Variants in SLC4A5 observed in about 807,000 individuals in gnomAD.
SLC4A5 encodes solute carrier family 4 member 5, also known as electrogenic sodium bicarbonate cotransporter 4.
SLC4A5 carries 96 observed loss-of-function variants against 120.4 expected under a neutral mutation model. That is an observed-to-expected ratio of 0.80 (90% CI 0.68 to 0.94). The LOEUF is 0.94. Ranked by LOEUF, SLC4A5 falls within the 40% of genes least tolerant of loss-of-function variation. The pLI is 0.00. For synonymous variants in SLC4A5, 550 were observed against 571.1 expected (o/e 0.96, Z 0.53); for missense variants, 1,259 against 1,459.5 (o/e 0.86, Z 2.24).
chr2:74,231,177 A>G, intron 25 of SLC4A5, 59 bp downstream of exon 25: 2 of 1,514,268 alleles, frequency 1.3e-6, no homozygotes, highest in Admixed American at 1.8e-5. Flanking sequence ...CTCCCTGCCT[A>G]AGGCATCCGC....
At chr2:74,253,368 T>G (rs985210332) in intron 14 of SLC4A5, among the ~76,000 whole-genome samples, 5 of 152,226 alleles carry the variant, frequency 3.3e-5, no homozygotes, top group Non-Finnish European at 7.3e-5. Flanking sequence ...TATTCTTGCT[T>G]GTAGGACTTC....
At chr2:74,306,104 A>T (rs1375978585) in intron 6 of SLC4A5, among the ~76,000 whole-genome samples, 1 of 152,200 alleles carries the variant, frequency 6.6e-6, no homozygotes, top group African/African-American at 2.4e-5. Flanking sequence ...GAGCAGGAGC[A>T]TTGCCATCTT....
chr2:74,342,488 A>T lies in SLC4A5; in HGVS notation c.-300T>A, dbSNP rs1380700438. On this transcript the variant is annotated 5_prime_UTR_variant, in exon 2 of 31. The change abolishes an upstream ATG in the 5' untranslated region. Transcript: ENST00000394019. Reference sequence around the variant, plus strand: ...TGGTCTTCAGGGTACTCCTGGAAACATCCATCAGCTCATGAGCTCACAGCT... The same window carrying T: ...TGGTCTTCAGGGTACTCCTGGAAACTTCCATCAGCTCATGAGCTCACAGCT... 6.6e-6 allele frequency: 1 copy of T among 152,204 alleles called. No homozygotes were observed. Among genetic ancestry groups the T allele is most frequent in the Non-Finnish European group, 1.5e-5 (1 of 68,066 alleles). 9.4% of individuals were successfully genotyped at this position (152,204 alleles called of 1,614,324 possible). A position where few individuals can be genotyped will look rare whatever the true frequency, so the allele number is the denominator to read the frequency against.
At chr2:74,318,331 G>A (rs887480406) in intron 5 of SLC4A5, among the ~76,000 whole-genome samples, 1 of 152,152 alleles carries the variant, frequency 6.6e-6, no homozygotes, top group Non-Finnish European at 1.5e-5. Context: ...CTAATCATCA[G>A]AGAAATGCAA....
At chr2:74,242,182 T>A in intron 19 of SLC4A5, 130 bp from the exon 20 acceptor site, 2 of 710,688 alleles carry the variant, frequency 2.8e-6, no homozygotes, top group Non-Finnish European at 4.6e-6. Flanking sequence ...GGCAGCTCCC[T>A]CTCCACCTTC....
intron 20 of SLC4A5, among the ~76,000 whole-genome samples, chr2:74,240,689 A>G (rs904309740): frequency 6.6e-6 from 1 of 151,874 alleles, no homozygotes; most frequent in African/African-American, 2.4e-5. Context: ...AGATCACTTG[A>G]GCTCAGGAAT....
At chr2:74,275,618 C>T (rs1470602287) in intron 8 of SLC4A5, among the ~76,000 whole-genome samples, 1 of 152,190 alleles carries the variant, frequency 6.6e-6, no homozygotes, top group Non-Finnish European at 1.5e-5. Flanking sequence ...CAATGCCTTC[C>T]CAAGGGCCAA....
intron 21 of SLC4A5, among the ~76,000 whole-genome samples, chr2:74,237,904 C>T (rs544582363): frequency 1.3e-5 from 2 of 152,198 alleles, no homozygotes; most frequent in Non-Finnish European, 2.9e-5. Flanking sequence ...GAGTTCAAGA[C>T]CAGCCTGGCC....
At chr2:74,294,379 A>G (rs754133973) in intron 7 of SLC4A5, among the ~76,000 whole-genome samples, 1 of 152,228 alleles carries the variant, frequency 6.6e-6, no homozygotes. Context: ...CTGGAAAACC[A>G]AAAGGGTAAA....
At chr2:74,312,243 ATGTGTG>A (rs111417670) in intron 6 of SLC4A5, among the ~76,000 whole-genome samples, 30 of 139,352 alleles carry the variant, frequency 2.2e-4, no homozygotes, top group South Asian at 1.1e-3. Flanking sequence ...GTGTGTGTAT[ATGTGTG>A]TGTGTGTGTG....
chr2:74,269,686 A>G lies in SLC4A5; in HGVS notation c.402-4422T>C, dbSNP rs1296537771. 3.3e-5 allele frequency among the ~76,000 whole-genome samples: 5 copies of G among 151,916 alleles called. No homozygotes were observed. In the East Asian group the frequency reaches 7.7e-4, roughly 23 times the overall value. Reference sequence around the variant, plus strand: ...CTCCCAAAGACTCTTTTGCTACTCCATGGTCTTACCCACCCACCTAAAGGT... The same window carrying G: ...CTCCCAAAGACTCTTTTGCTACTCCGTGGTCTTACCCACCCACCTAAAGGT... On this transcript the variant is annotated intron_variant, in intron 8 of 30. Transcript: ENST00000394019.
rs1472264898 is a variant in SLC4A5, at chr2:74,262,121, C to T, written c.811+16G>A. 1 of 1,610,714 alleles carries T rather than the reference C, an allele frequency of 6.2e-7. No individual in the cohort carries two copies. The highest frequency in any genetic ancestry group is 2.2e-5 in the East Asian group (1 of 44,824). ...CCTGAATAAAGCTGCCACAGAGCGG[C>T]AGAGCACACACTCACACAGACGTCC... On this transcript the variant is annotated intron_variant, in intron 11 of 30. Coordinates refer to ENST00000394019, the Ensembl canonical transcript of SLC4A5.
chr2:74,339,589 T>TG (rs1407343671), intron 2 of SLC4A5: 1 of 152,252 alleles, frequency 6.6e-6, no homozygotes, highest in African/African-American at 2.4e-5. Flanking sequence ...GAGGGGAACT[T>TG]GGAGGTCGGG....
At chr2:74,247,222 C>T (rs1558876120) in exon 19 of SLC4A5, 2 of 1,614,202 alleles carry the variant, frequency 1.2e-6, no homozygotes, top group East Asian at 2.2e-5. Context: ...ATAAAGCTGG[C>T]ATCTGTGGCC....
chr2:74,293,258 C>A (rs568863430), intron 7 of SLC4A5, among the ~76,000 whole-genome samples: 5 of 152,140 alleles, frequency 3.3e-5, no homozygotes, highest in Non-Finnish European at 7.4e-5. Flanking sequence ...TCCAAGTGTG[C>A]CCTCTGAGAG....
At chr2:74,303,109 T>C (rs1672526188) in intron 7 of SLC4A5, among the ~76,000 whole-genome samples, 2 of 151,570 alleles carry the variant, frequency 1.3e-5, no homozygotes, top group South Asian at 2.1e-4. Context: ...GCATGTGGTG[T>C]GTGTGTGCGT....
At position 74,255,319 on chromosome 2, in the gene SLC4A5, G is replaced by T. The variant is rs887412574; in HGVS notation, c.1025+456C>A. ...ATTTTTATTTTTTTTCTGAGACGCA[G>T]TCTTGCTCTGTTGCCCAGGCTGGGG... On this transcript the variant is annotated intron_variant, in intron 13 of 30. Transcript: ENST00000394019. The surrounding 1 kb of genome is among the most constrained non-coding windows in gnomAD (Gnocchi z 4.0). Among the ~76,000 whole-genome samples the T allele has an allele frequency of 4.6e-5, 7 of 151,990 alleles. No individual in the cohort carries two copies. Among genetic ancestry groups the T allele is most frequent in the Non-Finnish European group, 1.0e-4 (7 of 68,002 alleles).
At chr2:74,236,052 T>C (rs1670257129) in intron 21 of SLC4A5, among the ~76,000 whole-genome samples, 1 of 152,182 alleles carries the variant, frequency 6.6e-6, no homozygotes, top group African/African-American at 2.4e-5. Flanking sequence ...ACATATGTAA[T>C]TGGTTAAAAA....
At chr2:74,225,237 T>C (rs1694802511) in intron 27 of SLC4A5, among the ~76,000 whole-genome samples, 1 of 152,146 alleles carries the variant, frequency 6.6e-6, no homozygotes, top group Non-Finnish European at 1.5e-5. Flanking sequence ...GGACGGAGCC[T>C]GTGACAGCCG....
Sources: gnomAD v4.1 joint callset for allele counts (sites outside exome capture counted in the v4.1 genomes callset) on GRCh38, gnomAD v4.1.1 for gene constraint, Gnocchi (gnomAD v3.1) non-coding constraint, MANE v1.5 for transcripts, NCBI Gene and HGNC (gene_info 2026-07-23, HGNC 2026-07-21) for gene names.